The following ARPC2 variants were observed in gnomAD, a reference collection of about 807,000 sequenced individuals.
The protein encoded by ARPC2 is actin related protein 2/3 complex subunit 2.
A neutral mutation model predicts 38.6 loss-of-function variants in ARPC2; 4 were observed. That is an observed-to-expected ratio of 0.10 (90% CI 0.05 to 0.24). ARPC2 has a LOEUF of 0.24. Ranked by LOEUF, ARPC2 falls within the 10% of genes least tolerant of loss-of-function variation. ARPC2 has a pLI of 1.00. For missense variants in ARPC2, 229 were observed against 387.3 expected (o/e 0.59, Z 3.43); for synonymous variants, 125 against 140.8 (o/e 0.89, Z 0.79).
In ARPC2 at chr2:218,254,206, G is replaced by A. The variant is rs1690262930; in HGVS notation, c.*291G>A. The A allele has an allele frequency of 2.5e-6, 1 of 394,950 alleles. No individual in the cohort carries two copies. Among genetic ancestry groups the A allele is most frequent in the Admixed American group, 4.3e-5 (1 of 23,380 alleles). 24.5% of individuals were successfully genotyped at this position (394,950 alleles called of 1,614,324 possible). ...TTTCTCCCACCCTCTTTTCCAAGCT[G>A]TTTCGCTTTGCAATATATTACTGGT... is the stretch of plus-strand genomic sequence containing the variant. On this transcript the variant is annotated 3_prime_UTR_variant, in exon 11 of 11. Coordinates refer to ENST00000315717, the MANE Select transcript of ARPC2 (RefSeq NM_152862.3).
intron 2 of ARPC2, among the ~76,000 whole-genome samples, chr2:218,223,799 A>G (rs542705882): frequency 5.3e-5 from 8 of 152,324 alleles, no homozygotes; most frequent in Middle Eastern, 6.8e-3. Context: ...TAATGTAACT[A>G]TTAATTCTGG....
intron 10 of ARPC2, chr2:218,253,064 C>A: frequency 2.2e-6 from 1 of 448,318 alleles, no homozygotes. Flanking sequence ...CAGCTGTGGG[C>A]AGAAGCCAGG....
chr2:218,234,558 G>A (rs1689722631), intron 5 of ARPC2, 161 bp downstream of exon 5: 2 of 623,744 alleles, frequency 3.2e-6, no homozygotes, highest in Non-Finnish European at 5.5e-6. Flanking sequence ...TAGCTTTTAA[G>A]GGGCTTTGCT....
intron 10 of ARPC2, 60 bp downstream of exon 10, chr2:218,249,981 G>A: frequency 7.2e-7 from 1 of 1,395,564 alleles, no homozygotes; most frequent in Non-Finnish European, 9.8e-7. Flanking sequence ...GAAGGAAGCA[G>A]TGGGCGCTGG....
rs764543262 is a variant in ARPC2, at chr2:218,217,447, C to A, written c.-8-16C>A. 1 of 1,613,408 alleles carries A rather than the reference C, an allele frequency of 6.2e-7. No homozygotes were observed. The highest frequency in any genetic ancestry group is 8.5e-7 in the Non-Finnish European group (1 of 1,179,550). The stretch of plus-strand genomic sequence containing the variant: ...CCACCCTCACCGGCCCTTGTTTCTC[C>A]TTCCCCTGGGGGCAGCCGCCGCCAT... On this transcript the variant is annotated splice_polypyrimidine_tract_variant and intron_variant, in intron 1 of 10. Transcript: ENST00000315717.
At chr2:218,233,850 C>T (rs1689702135) in intron 4 of ARPC2, 1 of 152,852 alleles carries the variant, frequency 6.5e-6, no homozygotes, top group African/African-American at 2.4e-5. Context: ...TAGTCAAGTC[C>T]TAAAAAAGGA....
intron 10 of ARPC2, among the ~76,000 whole-genome samples, chr2:218,250,406 G>A (rs1411371363): frequency 6.6e-6 from 1 of 152,134 alleles, no homozygotes; most frequent in African/African-American, 2.4e-5. Context: ...GCTCACGCCT[G>A]TAATCCCAGC....
chr2:218,242,633 C>T (rs991366851), intron 7 of ARPC2, among the ~76,000 whole-genome samples: 17 of 152,082 alleles, frequency 1.1e-4, no homozygotes, highest in African/African-American at 4.1e-4. Context: ...GAGAGGAGTG[C>T]CTGTTTTCCC....
chr2:218,245,605 C>A, intron 8 of ARPC2, 59 bp downstream of exon 8: 1 of 1,597,272 alleles, frequency 6.3e-7, no homozygotes, highest in Admixed American at 1.7e-5. Context: ...CAGCAGAATA[C>A]CTAAATCTGC....
chr2:218,239,041 A>C lies in ARPC2; in HGVS notation c.455+191A>C, dbSNP rs553038010. On this transcript the variant is annotated intron_variant, in intron 6 of 10. Transcript: ENST00000315717. ...CTCCTCCTACTCTCCAGATACTGAG[A>C]GCTGACAGATGGTGGAAAGAGAATC... is the stretch of plus-strand genomic sequence containing the variant. 3 of 577,588 alleles carry C rather than the reference A, an allele frequency of 5.2e-6. No individual in the cohort carries two copies. The East Asian group carries it at 8.6e-5, about 16-fold the overall frequency. The allele number at this position is 577,588 out of a possible 1,614,324, so 35.8% of individuals were successfully genotyped here. A position where few individuals can be genotyped will look rare whatever the true frequency, so the allele number is the denominator to read the frequency against.
intron 4 of ARPC2, among the ~76,000 whole-genome samples, chr2:218,230,287 C>CTTTTTTTTTTTT (rs768585570): frequency 1.4e-3 from 102 of 73,016 alleles, no homozygotes; most frequent in Middle Eastern, 0.013. Flanking sequence ...TTTTTTTTTT[C>CTTTTTTTTTTTT]TTTTTTTTTT....
At chr2:218,227,852 A>C (rs1268823260) in intron 3 of ARPC2, among the ~76,000 whole-genome samples, 2 of 152,148 alleles carry the variant, frequency 1.3e-5, no homozygotes. Flanking sequence ...TCGGCCTCCC[A>C]AAGTTAACAG....
intron 7 of ARPC2, among the ~76,000 whole-genome samples, chr2:218,240,174 C>T (rs1427194848): frequency 6.6e-6 from 1 of 151,778 alleles, no homozygotes; most frequent in Non-Finnish European, 1.5e-5. Flanking sequence ...AGGATGGTCT[C>T]AATCTCCTGA....
At chr2:218,218,540 G>A (rs1355612800) in intron 2 of ARPC2, among the ~76,000 whole-genome samples, 5 of 152,238 alleles carry the variant, frequency 3.3e-5, no homozygotes, top group Non-Finnish European at 7.3e-5. Context: ...TTGGTGGCCT[G>A]TGGCCAGTCC....
Position 218,238,769 on chromosome 2 carries a change from T to C in ARPC2, c.374T>C (p.Phe125Ser). 1 of 1,613,982 alleles carries C rather than the reference T, an allele frequency of 6.2e-7. No homozygotes were observed. Among genetic ancestry groups the C allele is most frequent in the Non-Finnish European group, 8.5e-7 (1 of 1,179,956 alleles). The change falls in exon 6 of 11, where the codon TTT (phenylalanine) becomes TCT (serine). Residue 125 changes from phenylalanine to serine, a missense_variant. Physicochemically the swap from Phe to Ser is radical, Grantham distance 155. Transcript: ENST00000315717. Reference sequence around the variant, plus strand: ...AAGCGAAATTGTTTTGCCTCTGTCTTTGAAAAATACTTCCAATTCCAAGAA... The same window carrying C: ...AAGCGAAATTGTTTTGCCTCTGTCTCTGAAAAATACTTCCAATTCCAAGAA... ...MLKRNCFASV[F>S]EKYFQFQEEG...
At chr2:218,250,197 T>C (rs1690152166) in intron 10 of ARPC2, among the ~76,000 whole-genome samples, 1 of 152,226 alleles carries the variant, frequency 6.6e-6, no homozygotes, top group Non-Finnish European at 1.5e-5. Context: ...GCCTGAGTTA[T>C]GAGGTCAGTC....
chr2:218,238,985 A>G, intron 6 of ARPC2, 135 bp downstream of exon 6: 1 of 739,716 alleles, frequency 1.4e-6, no homozygotes, highest in Non-Finnish European at 2.2e-6. Context: ...GTCTTAAGCC[A>G]GGAAGTAGAT....
intron 5 of ARPC2, 75 bp downstream of exon 5, chr2:218,234,472 C>A: frequency 8.6e-7 from 1 of 1,165,456 alleles, no homozygotes; most frequent in South Asian, 1.4e-5. Flanking sequence ...TTTTTTTACC[C>A]AAAGGATTTC....
In ARPC2 at chr2:218,217,507, G is replaced by T; in HGVS notation, c.37G>T (p.Glu13Ter). The part of the protein sequence containing the change: ...LLEVNNRIIE[E>*]TLALKFENAA... The stretch of plus-strand genomic sequence containing the variant: ...GGAGGTGAACAACCGCATCATCGAG[G>T]AGACGCTCGCGCTCAAGTTCGAGAA... Residue 13 changes from glutamate (E) to a stop codon, truncating the protein, a stop_gained, in exon 2 of 11, where the codon GAG becomes TAG. Coordinates refer to ENST00000315717, the MANE Select transcript of ARPC2 (RefSeq NM_152862.3). LOFTEE classifies it high-confidence loss of function. The T allele has an allele frequency of 6.2e-7, 1 of 1,613,826 alleles. No individual in the cohort carries two copies. The highest frequency in any genetic ancestry group is 8.5e-7 in the Non-Finnish European group (1 of 1,179,878).
Sources: allele counts gnomAD v4.1 joint callset (sites outside exome capture counted in the v4.1 genomes callset), GRCh38; gene constraint gnomAD v4.1.1; transcripts MANE v1.5; gene names NCBI Gene and HGNC (gene_info 2026-07-23, HGNC 2026-07-21).